APP: variants seen among roughly 807,000 people sequenced by gnomAD.
APP encodes the protein amyloid-beta precursor protein.
In APP, 31 loss-of-function variants were observed where a neutral mutation model predicts 101.4. The ratio of observed to expected loss-of-function variants is 0.31; its 90% CI spans 0.23 to 0.41. The LOEUF is 0.41. Ranked by LOEUF, APP falls within the 10% of genes least tolerant of loss-of-function variation. APP has a pLI of 1.00. For missense variants in APP, 839 were observed against 1,003.7 expected (o/e 0.84, Z 2.22); for synonymous variants, 366 against 364.4 (o/e 1.00, Z -0.05).
intron 13 of APP, 30 bp downstream of exon 13, chr21:25,954,560 T>C (rs1194144072): frequency 1.3e-6 from 2 of 1,564,408 alleles, no homozygotes; most frequent in African/African-American, 1.4e-5. Context: ...TACATGTCCA[T>C]GTGCAGCATC....
intron 2 of APP, among the ~76,000 whole-genome samples, chr21:26,100,652 G>A (rs1428022555): frequency 6.6e-6 from 1 of 152,118 alleles, no homozygotes; most frequent in African/African-American, 2.4e-5. Context: ...GAGAAAGTTG[G>A]GCAAAGGAAA....
chr21:26,120,869 C>T (rs1012762424), intron 1 of APP, among the ~76,000 whole-genome samples: 20 of 152,270 alleles, frequency 1.3e-4, no homozygotes, highest in African/African-American at 4.6e-4. Flanking sequence ...TATACTTCTC[C>T]CAGCAAAGGA....
chr21:26,147,750 T>C (rs1039205806), intron 1 of APP, among the ~76,000 whole-genome samples: 2 of 151,808 alleles, frequency 1.3e-5, no homozygotes, highest in Admixed American at 6.6e-5. Context: ...GTGGGTGTGA[T>C]AGGATCACAC....
chr21:25,884,302 A>G (rs1032518038), intron 17 of APP, among the ~76,000 whole-genome samples: 9 of 152,130 alleles, frequency 5.9e-5, no homozygotes, highest in African/African-American at 1.7e-4. Flanking sequence ...GCTTACTCCA[A>G]TGACAGACCT....
At chr21:26,068,623 C>T (rs1457130013) in intron 3 of APP, among the ~76,000 whole-genome samples, 1 of 152,164 alleles carries the variant, frequency 6.6e-6, no homozygotes, top group African/African-American at 2.4e-5. Context: ...CTAGCTTCAG[C>T]CTCCCAATTT....
chr21:26,000,460 G>A (rs1263184919), intron 6 of APP, among the ~76,000 whole-genome samples: 2 of 152,200 alleles, frequency 1.3e-5, no homozygotes, highest in African/African-American at 4.8e-5. Flanking sequence ...GCTGCTTTTA[G>A]ATGAGTATGA....
chr21:26,028,137 A>T (rs2044662591), intron 5 of APP, among the ~76,000 whole-genome samples: 1 of 150,876 alleles, frequency 6.6e-6, no homozygotes, highest in South Asian at 2.1e-4. Context: ...CAGAAGCTGC[A>T]TTGCACTCCA....
At chr21:25,895,792 C>CATTA (rs1304210589) in intron 16 of APP, among the ~76,000 whole-genome samples, 3 of 152,154 alleles carry the variant, frequency 2.0e-5, no homozygotes, top group African/African-American at 7.2e-5. Flanking sequence ...AAAAGCAAAT[C>CATTA]ATTAATTAGC....
At chr21:26,119,199 C>A (rs2062507567) in intron 1 of APP, among the ~76,000 whole-genome samples, 1 of 152,166 alleles carries the variant, frequency 6.6e-6, no homozygotes, top group Non-Finnish European at 1.5e-5. Flanking sequence ...ATTCCTGGTA[C>A]TAGATGTCAA....
intron 9 of APP, among the ~76,000 whole-genome samples, chr21:25,980,430 G>C (rs1026519722): frequency 2.0e-5 from 3 of 148,042 alleles, no homozygotes; most frequent in Non-Finnish European, 4.5e-5. Context: ...TTTCCGAACA[G>C]TGCCTGTGTC....
chr21:26,043,867 G>GA (rs869109574), intron 5 of APP, among the ~76,000 whole-genome samples: 2 of 418 alleles, frequency 4.8e-3, no homozygotes, highest in East Asian at 0.12. Flanking sequence ...TAGAGAAAAA[G>GA]AAATTTAATC....
intron 3 of APP, among the ~76,000 whole-genome samples, chr21:26,059,197 T>C (rs1357230239): frequency 6.6e-6 from 1 of 152,030 alleles, no homozygotes; most frequent in Non-Finnish European, 1.5e-5. Flanking sequence ...CATACACAGG[T>C]TCTTCAAGGC....
At chr21:26,136,855 A>C (rs1369198242) in intron 1 of APP, among the ~76,000 whole-genome samples, 2 of 152,200 alleles carry the variant, frequency 1.3e-5, no homozygotes, top group African/African-American at 4.8e-5. Context: ...AGAAACTAGA[A>C]TGTCATTCTC....
intron 3 of APP, among the ~76,000 whole-genome samples, chr21:26,084,529 C>T (rs2061666071): frequency 4.3e-5 from 1 of 23,076 alleles, no homozygotes; most frequent in Admixed American, 5.9e-4. Context: ...GTGAGCACCG[C>T]GCCCGGCCGA....
At chr21:25,992,355 T>G (rs1479442137) in intron 8 of APP, among the ~76,000 whole-genome samples, 1 of 150,214 alleles carries the variant, frequency 6.7e-6, no homozygotes, top group Non-Finnish European at 1.5e-5. Flanking sequence ...GCCACTGCAC[T>G]CCAGCCTGGG....
intron 3 of APP, among the ~76,000 whole-genome samples, chr21:26,086,999 T>C (rs1183971312): frequency 2.6e-5 from 4 of 152,230 alleles, no homozygotes; most frequent in Non-Finnish European, 4.4e-5. Context: ...TAACACTGCC[T>C]GTCTATTAAG....
chr21:25,891,660 C>T lies in APP; in HGVS notation c.2211+62G>A, dbSNP rs1249908822. The T allele has an allele frequency of 1.6e-5, 25 of 1,544,108 alleles. 3 individuals are homozygous for T. In the South Asian group the frequency reaches 2.6e-4, roughly 16 times the overall value. ...TACTTAGCTAGTTCTTAGCAAAAAG[C>T]TAAGCCTAATTCTCTCATAGTCTTA... is the stretch of plus-strand genomic sequence containing the variant. On this transcript the variant is annotated intron_variant, in intron 17 of 17. Coordinates refer to ENST00000346798, the MANE Select transcript of APP (RefSeq NM_000484.4).
intron 3 of APP, among the ~76,000 whole-genome samples, chr21:26,065,210 C>A (rs2046412662): frequency 6.6e-6 from 1 of 152,158 alleles, no homozygotes; most frequent in African/African-American, 2.4e-5. Context: ...CACACAGGAT[C>A]ATTGTCAGGG....
chr21:26,068,516 T>G (rs571183603), intron 3 of APP, among the ~76,000 whole-genome samples: 1 of 152,190 alleles, frequency 6.6e-6, no homozygotes, highest in South Asian at 2.1e-4. Flanking sequence ...CATGCCAACA[T>G]GCCTGGCTAA....
Sources: allele counts gnomAD v4.1 joint callset (sites outside exome capture counted in the v4.1 genomes callset), GRCh38; gene constraint gnomAD v4.1.1; transcripts MANE v1.5; gene names NCBI Gene and HGNC (gene_info 2026-07-23, HGNC 2026-07-21).